AKAP11: variants seen among roughly 807,000 people sequenced by gnomAD.
AKAP11 encodes A-kinase anchor protein 11.
AKAP11 carries 36 observed loss-of-function variants against 146.1 expected under a neutral mutation model. The ratio of observed to expected loss-of-function variants is 0.25; its 90% CI spans 0.19 to 0.33. The LOEUF (loss-of-function observed/expected upper bound fraction) is 0.33, where lower values mean the gene tolerates loss of function less well. Among genes scored for constraint, AKAP11 ranks in the 10% least tolerant of loss-of-function variants. The pLI, the probability that AKAP11 is intolerant of heterozygous loss-of-function variation, is 1.00. For missense variants in AKAP11, 2,201 were observed against 2,197.0 expected, an observed-to-expected ratio of 1.00 and a Z score of -0.04; for synonymous variants, 780 against 786.5, an observed-to-expected ratio of 0.99 and a Z score of 0.14.
chr13:42,281,847 AAAATT>A (rs1477763191), intron 1 of AKAP11, among the ~76,000 whole-genome samples: 2 of 152,198 alleles, frequency 1.3e-5, no homozygotes, highest in Admixed American at 6.5e-5. Flanking sequence ...GACATTTTAT[AAAATT>A]TAAAAGTCCC....
rs771317545 is a variant in AKAP11 at position 42,300,664 on chromosome 13, A to G, written c.1918A>G (p.Thr640Ala). 6.2e-7 allele frequency: 1 copy of G among 1,614,004 alleles called. No individual in the cohort carries two copies. The highest frequency in any genetic ancestry group is 2.2e-5 in the East Asian group (1 of 44,896). ...ACAGTATGTAAAGAAGCAGATATTC[A>G]CAAACACAGTTGCTAGGTTTGCTGC... ...DLQYVKKQIFTNTVARFAADL... is the reference protein window; with the variant it reads ...DLQYVKKQIFANTVARFAADL... The change falls in exon 8 of 13, where the codon ACA (threonine) becomes GCA (alanine). Residue 640 changes from threonine (T) to alanine (A), a missense_variant. Coordinates refer to ENST00000025301, the MANE Select transcript of AKAP11 (RefSeq NM_016248.4).
rs1305534952 is a variant in AKAP11 at position 42,322,345 on chromosome 13, AT to A, written c.*3118del. 2 of 152,308 alleles carry A rather than the reference AT, an allele frequency of 1.3e-5. No individual in the cohort carries two copies. The highest frequency in any genetic ancestry group is 3.7e-4 in the East Asian group (2 of 5,338). 9.4% of individuals were successfully genotyped at this position (152,308 alleles called of 1,614,324 possible). ...AAGATAGTTTACTTATCTGACTTTG[AT>A]ATTAGATGGCTGACATTAGTGCACA... On this transcript the variant is annotated 3_prime_UTR_variant, in exon 13 of 13. Transcript: ENST00000025301.
intron 1 of AKAP11, among the ~76,000 whole-genome samples, chr13:42,273,931 A>C (rs1958847951): frequency 6.6e-6 from 1 of 152,232 alleles, no homozygotes; most frequent in African/African-American, 2.4e-5. Flanking sequence ...CGTGACAAAA[A>C]TGTGAAAGAC....
At chr13:42,277,246 C>T (rs1958945393) in intron 1 of AKAP11, among the ~76,000 whole-genome samples, 1 of 152,184 alleles carries the variant, frequency 6.6e-6, no homozygotes, top group South Asian at 2.1e-4. Flanking sequence ...GGCATATATC[C>T]TTTACAGTGA....
At chr13:42,303,914 G>A (rs1960115797) in intron 8 of AKAP11, 51 bp downstream of exon 8, 1 of 1,512,356 alleles carries the variant, frequency 6.6e-7, no homozygotes, top group Non-Finnish European at 8.8e-7. Flanking sequence ...AAAGATAAAT[G>A]TGATCCTATA....
rs1296800035 is a variant in AKAP11 at position 42,301,601 on chromosome 13, A to G, written c.2855A>G (p.Asp952Gly). The change falls in exon 8 of 13, where the codon GAT (aspartate) becomes GGT (glycine). Residue 952 changes from aspartate to glycine, a missense_variant. Transcript: ENST00000025301. Reference sequence around the variant, plus strand: ...AAATCTATTATTAAACATTCCATAGATAAGAGCAAATCAGTGATCCCAAAT... The same window carrying G: ...AAATCTATTATTAAACATTCCATAGGTAAGAGCAAATCAGTGATCCCAAAT... ...LSKSIIKHSI[D>G]KSKSVIPNID... 1 of 1,614,134 alleles carries G rather than the reference A, an allele frequency of 6.2e-7. No homozygotes were observed. Among genetic ancestry groups the G allele is most frequent in the Admixed American group, 1.7e-5 (1 of 60,022 alleles).
At chr13:42,288,539 A>T (rs1959182969) in intron 3 of AKAP11, among the ~76,000 whole-genome samples, 1 of 152,172 alleles carries the variant, frequency 6.6e-6, no homozygotes, top group Non-Finnish European at 1.5e-5. Flanking sequence ...AATACCATGA[A>T]CACATCCAAG....
chr13:42,293,411 A>G (rs1203630003), intron 4 of AKAP11, among the ~76,000 whole-genome samples: 1 of 152,150 alleles, frequency 6.6e-6, no homozygotes, highest in Non-Finnish European at 1.5e-5. Context: ...GAAATTCTCT[A>G]TTTGACGTCA....
chr13:42,302,512 T>A lies in AKAP11; in HGVS notation c.3766T>A (p.Leu1256Ile). The change falls in exon 8 of 13, where the codon TTA becomes ATA. Residue 1256 changes from leucine to isoleucine, a missense_variant. Leu to Ile is a conservative substitution (Grantham distance 5). Transcript: ENST00000025301. ...CCCCTCAGACGAAAATTTGAAAACA[T>A]TATGCAATTTTGCGGGTGATCTGGC... Reference protein sequence around the residue: ...LNPSDENLKTLCNFAGDLAAE... With the variant: ...LNPSDENLKTICNFAGDLAAE... 6.3e-7 allele frequency: 1 copy of A among 1,591,700 alleles called. No individual in the cohort carries two copies. The highest frequency in any genetic ancestry group is 1.1e-5 in the South Asian group (1 of 90,986).
intron 3 of AKAP11, among the ~76,000 whole-genome samples, chr13:42,287,957 C>CTG (rs2138490051): frequency 6.6e-6 from 1 of 152,234 alleles, no homozygotes; most frequent in South Asian, 2.1e-4. Context: ...TGTTATTCAA[C>CTG]GTATTGTCCA....
Position 42,302,597 on chromosome 13 carries a change from A to T in AKAP11, c.3851A>T (p.Lys1284Met), listed in dbSNP as rs1413637113. ...AAAGTCCGAAATTGTATGCTTTTCA[A>T]GCAAAAGAAGAACAGTTGTTATGCT... ...IAKVRNCMLF[K>M]QKKNSCYADG... is the part of the protein sequence containing the mutation. The change falls in exon 8 of 13, where the codon AAG (lysine) becomes ATG (methionine). Residue 1284 changes from lysine to methionine, a missense_variant. Lys to Met is a moderately conservative substitution (Grantham distance 95). Transcript: ENST00000025301. 1 of 1,614,216 alleles carries T rather than the reference A, an allele frequency of 6.2e-7. No homozygotes were observed. The highest frequency in any genetic ancestry group is 2.2e-5 in the East Asian group (1 of 44,878).
chr13:42,279,054 G>T (rs936468688), intron 1 of AKAP11, among the ~76,000 whole-genome samples: 2 of 150,970 alleles, frequency 1.3e-5, no homozygotes, highest in Admixed American at 6.6e-5. Context: ...CTTTTTTTCT[G>T]GTCAATTAAT....
intron 10 of AKAP11, 135 bp downstream of exon 10, chr13:42,313,265 G>C (rs1175801073): frequency 3.1e-6 from 2 of 638,802 alleles, no homozygotes; most frequent in African/African-American, 3.8e-5. Context: ...ACATGATTCT[G>C]CTTGATGAAT....
chr13:42,319,093 A>G lies in AKAP11; in HGVS notation c.5571A>G (p.Ser1857=). Residue 1857 remains serine (S), a synonymous_variant, in exon 13 of 13, where the codon TCA becomes TCG. Coordinates refer to ENST00000025301, the MANE Select transcript of AKAP11 (RefSeq NM_016248.4). The stretch of plus-strand genomic sequence containing the variant: ...GACACATCTTTCTTTCTTAGCTTTC[A>G]AAACAATTACAAGAGAAAGGATGGA... ...DSANKEFMLL[S]KQLQEKGWKV... 1 of 1,613,386 alleles carries G rather than the reference A, an allele frequency of 6.2e-7. No homozygotes were observed. The highest frequency in any genetic ancestry group is 1.1e-5 in the South Asian group (1 of 90,792).
At chr13:42,316,586 G>T (rs896019337) in intron 11 of AKAP11, among the ~76,000 whole-genome samples, 1 of 152,216 alleles carries the variant, frequency 6.6e-6, no homozygotes, top group Admixed American at 6.5e-5. Context: ...GGTGTAAGTG[G>T]TTGCATATGG....
At position 42,301,375 on chromosome 13, in the gene AKAP11, G is replaced by T. The variant is rs545812669; in HGVS notation, c.2629G>T (p.Ala877Ser). The T allele has an allele frequency of 6.2e-7, 1 of 1,613,356 alleles. No individual in the cohort carries two copies. The highest frequency in any genetic ancestry group is 1.3e-5 in the African/African-American group (1 of 75,022). The change falls in exon 8 of 13, where the codon GCA becomes TCA. Residue 877 changes from alanine (A) to serine (S), a missense_variant. This residue lies in a region of AKAP11 where 1,867 missense variants were observed against 1,833.5 expected (regional missense o/e 1.02). Coordinates refer to ENST00000025301, the MANE Select transcript of AKAP11 (RefSeq NM_016248.4). ...NDPAIISNFS[A>S]AVVHTIVNET... The stretch of plus-strand genomic sequence containing the variant: ...TCCTGCAATTATTAGCAACTTTTCT[G>T]CAGCAGTGGTGCATACGATAGTAAA...
chr13:42,320,212 C>G lies in AKAP11; in HGVS notation c.*984C>G, dbSNP rs1016046838. On this transcript the variant is annotated 3_prime_UTR_variant, in exon 13 of 13. Coordinates refer to ENST00000025301, the MANE Select transcript of AKAP11 (RefSeq NM_016248.4). ...AATATGGAAATGCATTTAGAGAAGC[C>G]CAGTAGTTTTTATTGTTGGATTTTT... 6.6e-6 allele frequency: 1 copy of G among 151,790 alleles called. No homozygotes were observed. The highest frequency in any genetic ancestry group is 1.5e-5 in the Non-Finnish European group (1 of 67,890). 9.4% of individuals were successfully genotyped at this position (151,790 alleles called of 1,614,324 possible).
Position 42,302,282 on chromosome 13 carries a change from G to T in AKAP11, c.3536G>T (p.Ser1179Ile). The change falls in exon 8 of 13, where the codon AGT becomes ATT. Residue 1179 changes from serine (S) to isoleucine (I), a missense_variant. Physicochemically the swap from Ser to Ile is moderately radical, Grantham distance 142. Around this residue, in one of 3 missense-constraint regions of AKAP11, gnomAD observed 1,867 missense variants for 1,833.5 expected, o/e 1.02. Coordinates refer to ENST00000025301, the MANE Select transcript of AKAP11 (RefSeq NM_016248.4). ...TCTGAAGAAGTTGAGAGTAGTGAAA[G>T]TGGAGAGCTCCCAGAAGTGGATGTG... ...SLSEEVESSE[S>I]GELPEVDVKS... The T allele has an allele frequency of 6.2e-7, 1 of 1,614,188 alleles. No homozygotes were observed. The highest frequency in any genetic ancestry group is 8.5e-7 in the Non-Finnish European group (1 of 1,180,030).
At chr13:42,292,526 C>G in intron 4 of AKAP11, 25 bp downstream of exon 4, 1 of 1,389,730 alleles carries the variant, frequency 7.2e-7, no homozygotes, top group Non-Finnish European at 1.0e-6. Flanking sequence ...TTTCTAAACC[C>G]TTTCCTAATA....
Sources: allele counts gnomAD v4.1 joint callset (sites outside exome capture counted in the v4.1 genomes callset), GRCh38; gene constraint gnomAD v4.1.1; regional missense constraint gnomAD v4.1.1; transcripts MANE v1.5; gene names NCBI Gene and HGNC (gene_info 2026-07-23, HGNC 2026-07-21).